WASHC5: variants seen among roughly 807,000 people sequenced by gnomAD.
WASHC5 encodes WASH complex subunit 5.
A neutral mutation model predicts 150.4 loss-of-function variants in WASHC5; 101 were observed. The observed-to-expected ratio is 0.67, with a 90% confidence interval of 0.57 to 0.79. The LOEUF (loss-of-function observed/expected upper bound fraction) is 0.79, where lower values mean the gene tolerates loss of function less well. Ranked by LOEUF, WASHC5 falls within the 30% of genes least tolerant of loss-of-function variation. The probability of loss-of-function intolerance (pLI) is 0.00; values close to 1 mark genes in which losing one functional copy is unlikely to be tolerated. For missense variants in WASHC5, 1,195 were observed against 1,396.3 expected, an observed-to-expected ratio of 0.86 and a Z score of 2.30; for synonymous variants, 467 against 491.2, an observed-to-expected ratio of 0.95 and a Z score of 0.65.
At chr8:125,056,969 T>C (rs1816426194) in intron 15 of WASHC5, 152 bp from the exon 16 acceptor site, 2 of 835,822 alleles carry the variant, frequency 2.4e-6, no homozygotes, top group African/African-American at 1.7e-5. Flanking sequence ...CAGGGCTCCA[T>C]TCCTTTAAAC....
At chr8:125,039,950 G>A in intron 23 of WASHC5, 52 bp from the exon 24 acceptor site, 1 of 1,179,954 alleles carries the variant, frequency 8.5e-7, no homozygotes, top group Non-Finnish European at 1.3e-6. Flanking sequence ...ATTTCAGAGT[G>A]ACAGTGAGGA....
chr8:125,042,589 C>A (rs896065989), intron 23 of WASHC5, among the ~76,000 whole-genome samples: 3 of 152,152 alleles, frequency 2.0e-5, no homozygotes, highest in African/African-American at 7.2e-5. Flanking sequence ...GGACTGAGAA[C>A]CCTCCAGTAA....
intron 23 of WASHC5, among the ~76,000 whole-genome samples, chr8:125,042,400 AACAT>A (rs1815917735): frequency 6.6e-6 from 1 of 152,210 alleles, no homozygotes; most frequent in South Asian, 2.1e-4. Flanking sequence ...AATAGCACAG[AACAT>A]TTCCATTGTT....
intron 20 of WASHC5, among the ~76,000 whole-genome samples, chr8:125,046,065 T>C (rs528263634): frequency 6.6e-6 from 1 of 152,326 alleles, no homozygotes; most frequent in East Asian, 1.9e-4. Context: ...AAGGACAAAA[T>C]ACTGGATTAG....
chr8:125,026,877 T>A (rs868441736), intron 28 of WASHC5, among the ~76,000 whole-genome samples: 1 of 152,136 alleles, frequency 6.6e-6, no homozygotes, highest in Non-Finnish European at 1.5e-5. Flanking sequence ...TATGACATTT[T>A]AAAAAATATA....
In WASHC5 at chr8:125,049,396, T is replaced by TA. The variant is rs112140506; in HGVS notation, c.2200-212dup. ...CAACGTTGCGAAACCCTGACTCTAC[T>TA]AAAAAAATATAAAAAGTAGCCAGGT... On this transcript the variant is annotated intron_variant, in intron 18 of 28. Transcript: ENST00000318410. Among the ~76,000 whole-genome samples the TA allele has an allele frequency of 0.1, 15,771 of 150,304 alleles. 1,848 individuals are homozygous for TA. Among genetic ancestry groups the TA allele is most frequent in the African/African-American group, 0.3 (11,990 of 40,416 alleles).
At chr8:125,042,306 A>G (rs2130009478) in intron 23 of WASHC5, among the ~76,000 whole-genome samples, 1 of 152,334 alleles carries the variant, frequency 6.6e-6, no homozygotes, top group East Asian at 1.9e-4. Flanking sequence ...ATGAAATAAA[A>G]TTAAAAATTG....
intron 8 of WASHC5, among the ~76,000 whole-genome samples, chr8:125,073,575 G>A (rs1326769172): frequency 6.6e-6 from 1 of 152,120 alleles, no homozygotes; most frequent in Non-Finnish European, 1.5e-5. Flanking sequence ...TACAGTTATA[G>A]GGCTCAAACA....
In WASHC5 at chr8:125,024,401, C is replaced by T. The variant is rs1433898453; in HGVS notation, c.*216G>A. Reference sequence around the variant, plus strand: ...GTACAAAAATGTGTTCTGCTTTTATCTGATATAAATTGCATGTAATACCAT... The same window carrying T: ...GTACAAAAATGTGTTCTGCTTTTATTTGATATAAATTGCATGTAATACCAT... On this transcript the variant is annotated 3_prime_UTR_variant, in exon 29 of 29. Transcript: ENST00000318410. The T allele has an allele frequency of 3.3e-6, 2 of 600,788 alleles. No individual in the cohort carries two copies. Among genetic ancestry groups the T allele is most frequent in the African/African-American group, 1.9e-5 (1 of 53,568 alleles). 37.2% of individuals were successfully genotyped at this position (600,788 alleles called of 1,614,324 possible).
At chr8:125,075,538 T>C (rs901973681) in intron 7 of WASHC5, among the ~76,000 whole-genome samples, 1 of 152,212 alleles carries the variant, frequency 6.6e-6, no homozygotes, top group Non-Finnish European at 1.5e-5. Context: ...AATTATAGTA[T>C]CATGGTCAAA....
At chr8:125,066,170 A>G (rs1442098343) in intron 10 of WASHC5, among the ~76,000 whole-genome samples, 3 of 152,230 alleles carry the variant, frequency 2.0e-5, no homozygotes, top group Non-Finnish European at 4.4e-5. Context: ...CATTAAAATT[A>G]TTAATAGATC....
chr8:125,048,400 T>C (rs1192661693), intron 19 of WASHC5, among the ~76,000 whole-genome samples: 1 of 152,234 alleles, frequency 6.6e-6, no homozygotes, highest in African/African-American at 2.4e-5. Flanking sequence ...AGGACTTTTA[T>C]GCACATTTTT....
At chr8:125,052,684 T>C (rs1047989089) in intron 17 of WASHC5, among the ~76,000 whole-genome samples, 2 of 151,770 alleles carry the variant, frequency 1.3e-5, no homozygotes, top group African/African-American at 2.4e-5. Context: ...ATTTTCCACC[T>C]TGGAGATTTT....
At chr8:125,035,501 CATTACACTTGGGATGGCCCTTTAA>C (rs567144137) in intron 26 of WASHC5, among the ~76,000 whole-genome samples, 2 of 152,310 alleles carry the variant, frequency 1.3e-5, no homozygotes, top group East Asian at 3.9e-4. Context: ...TGAACCTTTA[CATTACACTTGGGATGGCCCTTTAA>C]ATTGATTTTG....
chr8:125,034,095 C>T (rs927433507), intron 26 of WASHC5, among the ~76,000 whole-genome samples: 2 of 151,986 alleles, frequency 1.3e-5, no homozygotes, highest in Admixed American at 1.3e-4. Flanking sequence ...AGGCACTTCG[C>T]AGAGAAGGAT....
At chr8:125,071,568 C>T (rs1257169001) in intron 9 of WASHC5, among the ~76,000 whole-genome samples, 1 of 152,200 alleles carries the variant, frequency 6.6e-6, no homozygotes, top group Non-Finnish European at 1.5e-5. Flanking sequence ...TTCAAAACCT[C>T]ATCACACGCC....
At chr8:125,068,350 C>T (rs777181670) in intron 9 of WASHC5, among the ~76,000 whole-genome samples, 4 of 152,116 alleles carry the variant, frequency 2.6e-5, no homozygotes, top group Non-Finnish European at 4.4e-5. Context: ...CAATAGAAAC[C>T]GAAGGAAGCT....
At chr8:125,063,135 G>A (rs1035746582) in intron 11 of WASHC5, among the ~76,000 whole-genome samples, 1 of 151,948 alleles carries the variant, frequency 6.6e-6, no homozygotes, top group Non-Finnish European at 1.5e-5. Context: ...AGAAGATCAT[G>A]AGAATTATAG....
chr8:125,025,214 T>A (rs1815342933), intron 28 of WASHC5, among the ~76,000 whole-genome samples: 1 of 152,130 alleles, frequency 6.6e-6, no homozygotes, highest in South Asian at 2.1e-4. Context: ...AGGTAGGTGA[T>A]CTCCAAGTGC....
Sources: allele counts gnomAD v4.1 joint callset (sites outside exome capture counted in the v4.1 genomes callset), GRCh38; gene constraint gnomAD v4.1.1; transcripts MANE v1.5; gene names NCBI Gene and HGNC (gene_info 2026-07-23, HGNC 2026-07-21).